Variants in HCN1 observed in about 807,000 individuals in gnomAD.
HCN1 encodes hyperpolarization activated cyclic nucleotide gated potassium channel 1.
In HCN1, 13 loss-of-function variants were observed where a neutral mutation model predicts 78.9. That is an observed-to-expected ratio of 0.16 (90% CI 0.11 to 0.26). The LOEUF (loss-of-function observed/expected upper bound fraction) is 0.26, where lower values mean the gene tolerates loss of function less well. Among genes scored for constraint, HCN1 ranks in the 10% least tolerant of loss-of-function variants. HCN1 has a pLI of 1.00. For missense variants in HCN1, 810 were observed against 1,154.3 expected (o/e 0.70, Z 4.32); for synonymous variants, 552 against 455.5 (o/e 1.21, Z -2.70).
chr5:45,282,456 T>C (rs564755776), intron 6 of HCN1, among the ~76,000 whole-genome samples: 3 of 152,332 alleles, frequency 2.0e-5, no homozygotes, highest in African/African-American at 7.2e-5. Flanking sequence ...TGTAATTTGC[T>C]GTCTAGCTAG....
intron 4 of HCN1, among the ~76,000 whole-genome samples, chr5:45,355,962 C>CT (rs749500552): frequency 2.0e-5 from 3 of 151,828 alleles, no homozygotes; most frequent in Non-Finnish European, 4.4e-5. Context: ...GGAGCTTTTT[C>CT]TTTTTCTTTT....
intron 2 of HCN1, among the ~76,000 whole-genome samples, chr5:45,563,907 T>A (rs1023446162): frequency 1.3e-5 from 2 of 152,200 alleles, no homozygotes; most frequent in South Asian, 2.1e-4. Context: ...CCAATTTCTA[T>A]CTATGTCAGT....
chr5:45,628,986 A>AG, intron 2 of HCN1, among the ~76,000 whole-genome samples: 1 of 123,802 alleles, frequency 8.1e-6, no homozygotes, highest in Non-Finnish European at 1.7e-5. Context: ...AATAAAAAAT[A>AG]AAAAAAAAAA....
intron 5 of HCN1, among the ~76,000 whole-genome samples, chr5:45,329,202 T>C (rs1220724617): frequency 2.0e-5 from 3 of 151,616 alleles, no homozygotes; most frequent in South Asian, 4.1e-4. Context: ...TCACTATCTA[T>C]ACCTAAGCCT....
At chr5:45,592,220 G>A (rs1402490252) in intron 2 of HCN1, among the ~76,000 whole-genome samples, 2 of 151,998 alleles carry the variant, frequency 1.3e-5, no homozygotes, top group East Asian at 1.9e-4. Context: ...TTGAAGTCAG[G>A]TAGTGTTAGT....
chr5:45,573,427 CTTCAT>C (rs1039533929), intron 2 of HCN1, among the ~76,000 whole-genome samples: 1 of 151,976 alleles, frequency 6.6e-6, no homozygotes, highest in East Asian at 1.9e-4. Context: ...TGTGAATTCA[CTTCAT>C]TTATTTATTT....
intron 2 of HCN1, among the ~76,000 whole-genome samples, chr5:45,478,059 CAGA>C (rs1179350243): frequency 1.3e-5 from 2 of 152,050 alleles, no homozygotes; most frequent in Non-Finnish European, 2.9e-5. Context: ...GAAGCTGAGG[CAGA>C]AGAATTGCTT....
At chr5:45,555,533 G>GA (rs1743451715) in intron 2 of HCN1, among the ~76,000 whole-genome samples, 1 of 151,660 alleles carries the variant, frequency 6.6e-6, no homozygotes, top group Non-Finnish European at 1.5e-5. Context: ...CAAAGAGCTA[G>GA]AAAAAAATTC....
chr5:45,259,261 T>C lies in HCN1; in HGVS notation c.*2660A>G, dbSNP rs12522910. 22,414 of 151,810 alleles carry C rather than the reference T, an allele frequency of 0.15. 1,953 individuals carry two copies. Among genetic ancestry groups the C allele is most frequent in the Middle Eastern group, 0.23 (68 of 292 alleles). The allele number at this position is 151,810 out of a possible 1,614,324, so 9.4% of individuals were successfully genotyped here. A position where few individuals can be genotyped will look rare whatever the true frequency, so the allele number is the denominator to read the frequency against. ...AATATTCATGATTGTAGTTTATTTT[T>C]TGTTGAATTTATTAATAATCTTTAT... On this transcript the variant is annotated 3_prime_UTR_variant, in exon 8 of 8. Coordinates refer to ENST00000303230, the MANE Select transcript of HCN1 (RefSeq NM_021072.4).
At chr5:45,514,199 T>G in intron 2 of HCN1, among the ~76,000 whole-genome samples, 1 of 152,154 alleles carries the variant, frequency 6.6e-6, no homozygotes, top group Non-Finnish European at 1.5e-5. Context: ...TATCCATATA[T>G]CCTATGAATT....
chr5:45,552,090 T>C (rs944032465), intron 2 of HCN1, among the ~76,000 whole-genome samples: 1 of 151,866 alleles, frequency 6.6e-6, no homozygotes, highest in Admixed American at 6.6e-5. Flanking sequence ...AAGGAGATAG[T>C]GGTTAACACA....
chr5:45,379,268 T>A (rs550992171), intron 4 of HCN1, among the ~76,000 whole-genome samples: 4 of 152,230 alleles, frequency 2.6e-5, no homozygotes, highest in African/African-American at 9.6e-5. Context: ...TTTCTCCACA[T>A]CCTCTCTAGC....
At chr5:45,478,121 T>G in intron 2 of HCN1, among the ~76,000 whole-genome samples, 1 of 152,068 alleles carries the variant, frequency 6.6e-6, no homozygotes, top group East Asian at 1.9e-4. Context: ...GCCACTGCAC[T>G]CCAGCCTGGG....
rs796323008 is a variant in HCN1, at chr5:45,305,105, T to C, written c.1378-1266A>G. ...GTAAGAGTCACAGAAATTGGTCATG[T>C]CTGCTAAGAGGTGAAAAGAAGGCAG... On this transcript the variant is annotated intron_variant, in intron 5 of 7. Transcript: ENST00000303230. Among the ~76,000 whole-genome samples the C allele has an allele frequency of 1.6e-4, 25 of 152,284 alleles. 1 individual carries two copies. Among genetic ancestry groups the C allele is most frequent in the African/African-American group, 6.0e-4 (25 of 41,576 alleles).
At chr5:45,457,312 C>G in intron 3 of HCN1, among the ~76,000 whole-genome samples, 1 of 152,030 alleles carries the variant, frequency 6.6e-6, no homozygotes, top group East Asian at 1.9e-4. Flanking sequence ...TAACAAAAAC[C>G]CATTACTCCC....
chr5:45,649,210 C>T (rs542671386), intron 1 of HCN1, among the ~76,000 whole-genome samples: 2 of 152,058 alleles, frequency 1.3e-5, no homozygotes, highest in South Asian at 4.2e-4. Context: ...CAATGAGTTT[C>T]TTAGTTTGTT....
At chr5:45,656,689 T>A (rs1238361408) in intron 1 of HCN1, among the ~76,000 whole-genome samples, 1 of 152,174 alleles carries the variant, frequency 6.6e-6, no homozygotes, top group Non-Finnish European at 1.5e-5. Context: ...CTTTCCCAAT[T>A]AAAATGTAGG....
At chr5:45,335,546 T>C (rs889040942) in intron 5 of HCN1, among the ~76,000 whole-genome samples, 1 of 152,052 alleles carries the variant, frequency 6.6e-6, no homozygotes, top group African/African-American at 2.4e-5. Context: ...CTGGGTTTGG[T>C]GTCCCTCCTG....
chr5:45,496,054 A>T (rs1199406226), intron 2 of HCN1, among the ~76,000 whole-genome samples: 2 of 152,084 alleles, frequency 1.3e-5, no homozygotes, highest in Non-Finnish European at 2.9e-5. Context: ...ATATTGGTCT[A>T]AAATTCTCTT....
Sources: gnomAD v4.1 joint callset for allele counts (sites outside exome capture counted in the v4.1 genomes callset) on GRCh38, gnomAD v4.1.1 for gene constraint, MANE v1.5 for transcripts, NCBI Gene and HGNC (gene_info 2026-07-23, HGNC 2026-07-21) for gene names.